ACCSL: variants seen among roughly 807,000 people sequenced by gnomAD.
ACCSL encodes the protein probable inactive 1-aminocyclopropane-1-carboxylate synthase-like protein 2.
Under a neutral mutation model 61.7 loss-of-function variants are expected in ACCSL, and 55 were observed. That is an observed-to-expected ratio of 0.89 (90% CI 0.72 to 1.12). The LOEUF (loss-of-function observed/expected upper bound fraction) is 1.12. ACCSL is among the 50% of genes most tolerant of loss of function. ACCSL has a pLI of 0.00. For missense variants in ACCSL, 632 were observed against 698.0 expected, an observed-to-expected ratio of 0.91 and a Z score of 1.07; for synonymous variants, 258 against 264.3, an observed-to-expected ratio of 0.98 and a Z score of 0.23.
At chr11:44,034,244 C>G in the ACCSL span, among the ~76,000 whole-genome samples, 3 of 152,184 alleles carry the variant, frequency 2.0e-5, no homozygotes, top group Non-Finnish European at 4.4e-5. Flanking sequence ...TAGCCCATAG[C>G]TCACCCCAGA....
chr11:43,953,403 C>T, the ACCSL span, among the ~76,000 whole-genome samples: 3 of 151,754 alleles, frequency 2.0e-5, no homozygotes, highest in Non-Finnish European at 2.9e-5. Flanking sequence ...TGCCTGTAAT[C>T]CCAGCTACTT....
Position 44,052,993 on chromosome 11 carries a change from C to G in ACCSL, c.873C>G (p.Val291=). The change falls in exon 7 of 14, where the codon GTC becomes GTG. Residue 291 remains valine, a splice_region_variant and synonymous_variant. Coordinates refer to ENST00000378832, the MANE Select transcript of ACCSL (RefSeq NM_001031854.2). ...ELIPVHLESE[V]TVTNTHPFQL... is the part of the protein sequence containing the mutation. ...CTCACATAGTGTTTCTCTTCCAGGT[C>G]ACTGTTACAAACACCCATCCTTTCC... is the stretch of plus-strand genomic sequence containing the variant. The G allele has an allele frequency of 6.2e-7, 1 of 1,613,732 alleles. No homozygotes were observed. Among genetic ancestry groups the G allele is most frequent in the Non-Finnish European group, 8.5e-7 (1 of 1,179,652 alleles).
intron 11 of ACCSL, among the ~76,000 whole-genome samples, 193 bp downstream of exon 11, chr11:44,056,519 A>G (rs1331697666): frequency 6.6e-6 from 1 of 152,210 alleles, no homozygotes; most frequent in Non-Finnish European, 1.5e-5. Context: ...TGTAGGCAGA[A>G]GATGGAGGTG....
At chr11:44,017,431 G>A in the ACCSL span, among the ~76,000 whole-genome samples, 1 of 152,124 alleles carries the variant, frequency 6.6e-6, no homozygotes, top group African/African-American at 2.4e-5. Context: ...TTATGCAAAA[G>A]CCCTGAAAAA....
In ACCSL at chr11:44,048,177, G is replaced by T; in HGVS notation, c.141G>T (p.Leu47=). 1 of 1,614,192 alleles carries T rather than the reference G, an allele frequency of 6.2e-7. No individual in the cohort carries two copies. Among genetic ancestry groups the T allele is most frequent in the East Asian group, 2.2e-5 (1 of 44,858 alleles). The change falls in exon 1 of 14, where the codon CTG becomes CTT. Residue 47 remains leucine, a synonymous_variant. Coordinates refer to ENST00000378832, the MANE Select transcript of ACCSL (RefSeq NM_001031854.2). ...CCATGACGGAGCACTTCGTGCAGCT[G>T]ACGAGCAGACAGGGCCTGTCGCTGG... is the stretch of plus-strand genomic sequence containing the variant. ...QQAMTEHFVQ[L]TSRQGLSLEE...
At chr11:43,940,550 C>T in the ACCSL span, among the ~76,000 whole-genome samples, 4 of 151,252 alleles carry the variant, frequency 2.6e-5, no homozygotes, top group African/African-American at 7.3e-5. Flanking sequence ...TTAGTAGAGA[C>T]GGGGTTTCAC....
At chr11:43,940,995 T>G in the ACCSL span, among the ~76,000 whole-genome samples, 1 of 152,308 alleles carries the variant, frequency 6.6e-6, no homozygotes, top group Middle Eastern at 3.4e-3. Flanking sequence ...CTCTGTGCCT[T>G]GACTTTTCTA....
chr11:44,051,249 C>A (rs771566192), intron 3 of ACCSL, 86 bp from the exon 4 acceptor site: 1 of 1,382,414 alleles, frequency 7.2e-7, no homozygotes, highest in East Asian at 2.3e-5. Context: ...TAGAAAAGGT[C>A]CCTGTTAGGC....
chr11:44,030,438 G>A, the ACCSL span, among the ~76,000 whole-genome samples: 185 of 151,284 alleles, frequency 1.2e-3, 2 homozygotes, highest in Admixed American at 0.011. Flanking sequence ...AGAAGGGGCC[G>A]CCTGCTGCTT....
At chr11:43,925,604 A>T in the ACCSL span, 1 of 385,852 alleles carries the variant, frequency 2.6e-6, no homozygotes, top group South Asian at 1.9e-5. Flanking sequence ...TCTTACGGTC[A>T]CAGTACTGCC....
At chr11:44,039,034 G>T in the ACCSL span, among the ~76,000 whole-genome samples, 2 of 152,018 alleles carry the variant, frequency 1.3e-5, no homozygotes, top group African/African-American at 2.4e-5. Flanking sequence ...TCTTCATTTT[G>T]ATGCTCCCAG....
At chr11:43,996,471 A>C in the ACCSL span, among the ~76,000 whole-genome samples, 233 of 152,318 alleles carry the variant, frequency 1.5e-3, no homozygotes, top group African/African-American at 5.4e-3. Flanking sequence ...GAAAGTGGAC[A>C]GACATGGGAG....
chr11:43,953,071 C>T, the ACCSL span, among the ~76,000 whole-genome samples: 1 of 151,690 alleles, frequency 6.6e-6, no homozygotes, highest in African/African-American at 2.4e-5. Context: ...CTGTCAGAGG[C>T]ATTTGAACCA....
At chr11:43,941,768 C>A in the ACCSL span, among the ~76,000 whole-genome samples, 1 of 152,180 alleles carries the variant, frequency 6.6e-6, no homozygotes, top group African/African-American at 2.4e-5. Context: ...TGAGAGAATA[C>A]CAATTACCTC....
the ACCSL span, among the ~76,000 whole-genome samples, chr11:43,977,362 A>G: frequency 6.6e-6 from 1 of 152,228 alleles, no homozygotes; most frequent in Non-Finnish European, 1.5e-5. Context: ...TGTAGTCACA[A>G]GGGTCTTTAA....
At chr11:44,024,958 A>G in the ACCSL span, among the ~76,000 whole-genome samples, 2 of 151,930 alleles carry the variant, frequency 1.3e-5, no homozygotes, top group African/African-American at 4.8e-5. Flanking sequence ...TCCAATGATG[A>G]TTTTGTCTTA....
chr11:44,034,758 C>G, the ACCSL span, among the ~76,000 whole-genome samples: 1 of 152,086 alleles, frequency 6.6e-6, no homozygotes, highest in African/African-American at 2.4e-5. Flanking sequence ...GGGGACATAC[C>G]CAAACCATAT....
At chr11:44,005,858 T>G in the ACCSL span, among the ~76,000 whole-genome samples, 1 of 152,104 alleles carries the variant, frequency 6.6e-6, no homozygotes, top group Non-Finnish European at 1.5e-5. Context: ...CATGTAGGAT[T>G]TTGTCTCCAG....
chr11:43,957,760 A>T, the ACCSL span, among the ~76,000 whole-genome samples: 1 of 152,192 alleles, frequency 6.6e-6, no homozygotes, highest in Non-Finnish European at 1.5e-5. Flanking sequence ...TGTCAGTCTT[A>T]TGATCTGTTT....
Sources: gnomAD v4.1 joint callset for allele counts (sites outside exome capture counted in the v4.1 genomes callset) on GRCh38, gnomAD v4.1.1 for gene constraint, MANE v1.5 for transcripts, NCBI Gene and HGNC (gene_info 2026-07-23, HGNC 2026-07-21) for gene names.